RBPJ: variants seen among roughly 807,000 people sequenced by gnomAD.
RBPJ encodes the protein recombining binding protein suppressor of hairless.
Under a neutral mutation model 67.8 loss-of-function variants are expected in RBPJ, and 9 were observed. The ratio of observed to expected loss-of-function variants is 0.13; its 90% CI spans 0.08 to 0.23. The LOEUF is 0.23. Among genes scored for constraint, RBPJ ranks in the 10% least tolerant of loss-of-function variants. RBPJ has a pLI of 1.00. For synonymous variants in RBPJ, 198 were observed against 203.3 expected, an observed-to-expected ratio of 0.97 and a Z score of 0.22; for missense variants, 305 against 595.6, an observed-to-expected ratio of 0.51 and a Z score of 5.08.
intron 1 of RBPJ, among the ~76,000 whole-genome samples, chr4:26,208,467 G>A (rs1180143115): frequency 6.6e-6 from 1 of 152,172 alleles, no homozygotes; most frequent in East Asian, 1.9e-4. Flanking sequence ...CACAGTCAGA[G>A]ATGTCACCAT....
intron 1 of RBPJ, among the ~76,000 whole-genome samples, chr4:26,206,229 G>T (rs1381239566): frequency 1.3e-5 from 2 of 152,148 alleles, no homozygotes; most frequent in African/African-American, 4.8e-5. Context: ...CAAAGCAATG[G>T]TTTTCATTTG....
intron 1 of RBPJ, among the ~76,000 whole-genome samples, chr4:26,164,251 G>A (rs900770903): frequency 2.6e-5 from 4 of 152,280 alleles, no homozygotes; most frequent in Non-Finnish European, 5.9e-5. Flanking sequence ...TCATGCATGC[G>A]TTTATTCACT....
At position 26,434,858 on chromosome 4, in the gene RBPJ, G is replaced by C. The variant is rs568245544; in HGVS notation, c.*3851G>C. 6.6e-6 allele frequency: 1 copy of C among 152,154 alleles called. No individual in the cohort carries two copies. The highest frequency in any genetic ancestry group is 2.4e-5 in the African/African-American group (1 of 41,426). The allele number at this position is 152,154 out of a possible 1,614,324, so 9.4% of individuals were successfully genotyped here. ...ATCTGCTCAGTTCCATATTTCATCCGTGAAAAACTTGCAATACGAGCAGTT... is the reference window on the plus strand; with the variant it reads ...ATCTGCTCAGTTCCATATTTCATCCCTGAAAAACTTGCAATACGAGCAGTT... On this transcript the variant is annotated 3_prime_UTR_variant, in exon 11 of 11. Transcript: ENST00000355476.
At chr4:26,410,007 A>G (rs1401120666) in intron 3 of RBPJ, 1 of 454,242 alleles carries the variant, frequency 2.2e-6, no homozygotes, top group Non-Finnish European at 4.4e-6. Context: ...TAAAGGGGAA[A>G]CCCATTAAAT....
chr4:26,400,385 A>G lies in RBPJ; in HGVS notation c.60-5790A>G, dbSNP rs192184646. ...ACATAGTCCTACAATGCACAGCGCA[A>G]TCTCTCCACAGCAGAAAATGATTTT... On this transcript the variant is annotated intron_variant, in intron 2 of 10. Transcript: ENST00000355476. Among the ~76,000 whole-genome samples the G allele has an allele frequency of 1.6e-3, 242 of 152,344 alleles. 2 individuals are homozygous for G. Among genetic ancestry groups the G allele is most frequent in the Non-Finnish European group, 1.3e-3 (90 of 68,028 alleles).
chr4:26,252,925 G>A (rs1480394752), intron 1 of RBPJ, among the ~76,000 whole-genome samples: 3 of 152,142 alleles, frequency 2.0e-5, no homozygotes, highest in African/African-American at 4.8e-5. Flanking sequence ...TCCTGACCTG[G>A]CTCTACTATA....
In RBPJ at chr4:26,374,074, G is replaced by A. The variant is rs1223305298; in HGVS notation, c.21-12279G>A. ...GCTGGGCTTACAGGTGCCCGCCACC[G>A]GCTTACAGGCGCACACCACCATGTC... On this transcript the variant is annotated intron_variant, in intron 1 of 10. Transcript: ENST00000355476. Among the ~76,000 whole-genome samples, 2 of 151,642 alleles carry A rather than the reference G, an allele frequency of 1.3e-5. 1 individual carries two copies. The highest frequency in any genetic ancestry group is 4.2e-4 in the South Asian group (2 of 4,802).
At chr4:26,140,633 AC>A in the RBPJ span, among the ~76,000 whole-genome samples, 3 of 22,670 alleles carry the variant, frequency 1.3e-4, no homozygotes, top group Admixed American at 5.3e-4. Context: ...CCACCCCCCC[AC>A]CCCCCAAATC....
At chr4:26,404,806 T>TGTGCTGATA (rs1733222997) in intron 2 of RBPJ, among the ~76,000 whole-genome samples, 1 of 152,200 alleles carries the variant, frequency 6.6e-6, no homozygotes, top group Non-Finnish European at 1.5e-5. Context: ...TCAGGCCCTG[T>TGTGCTGATA]AACGCCTTAT....
In RBPJ at chr4:26,345,095, C is replaced by T. The variant is rs147383797; in HGVS notation, c.20+24047C>T. 3.0e-3 allele frequency among the ~76,000 whole-genome samples: 463 copies of T among 152,232 alleles called. 3 individuals carry two copies. The highest frequency in any genetic ancestry group is 0.011 in the African/African-American group (443 of 41,534). On this transcript the variant is annotated intron_variant, in intron 1 of 10. Coordinates refer to ENST00000355476, the MANE Select transcript of RBPJ (RefSeq NM_015874.6). ...ATGTTTTCATGAGGATTTTTGTGCA[C>T]ATTAAAAATAACCATTTTTGTGAAT...
intron 1 of RBPJ, among the ~76,000 whole-genome samples, chr4:26,274,717 C>T (rs1224316104): frequency 1.3e-5 from 2 of 152,166 alleles, no homozygotes; most frequent in Non-Finnish European, 2.9e-5. Flanking sequence ...TGGTGGATCA[C>T]ATGAGACCAG....
intron 1 of RBPJ, among the ~76,000 whole-genome samples, chr4:26,236,750 C>G (rs1239969970): frequency 6.6e-6 from 1 of 152,140 alleles, no homozygotes; most frequent in Non-Finnish European, 1.5e-5. Flanking sequence ...CACACAAGGG[C>G]CCTTTTGGAG....
intron 1 of RBPJ, among the ~76,000 whole-genome samples, chr4:26,340,062 A>ATTG (rs1356671075): frequency 6.6e-6 from 1 of 152,222 alleles, no homozygotes; most frequent in East Asian, 1.9e-4. Context: ...GCAAATACCT[A>ATTG]TTGAGTACAT....
intron 1 of RBPJ, among the ~76,000 whole-genome samples, chr4:26,308,425 C>CT (rs1560254845): frequency 6.6e-6 from 1 of 152,138 alleles, no homozygotes; most frequent in African/African-American, 2.4e-5. Flanking sequence ...CCTTAAGAGA[C>CT]TTTTTTCTTG....
chr4:26,417,799 TTGAG>T (rs1734741547), intron 4 of RBPJ, among the ~76,000 whole-genome samples: 1 of 152,214 alleles, frequency 6.6e-6, no homozygotes, highest in South Asian at 2.1e-4. Context: ...AGTCTGTTCA[TTGAG>T]TGGTACAATT....
At position 26,401,905 on chromosome 4, in the gene RBPJ, T is replaced by A. The variant is rs551653816; in HGVS notation, c.60-4270T>A. 4.6e-3 allele frequency among the ~76,000 whole-genome samples: 688 copies of A among 148,088 alleles called. 4 individuals carry two copies. The highest frequency in any genetic ancestry group is 0.017 in the African/African-American group (657 of 39,326). On this transcript the variant is annotated intron_variant, in intron 2 of 10. Coordinates refer to ENST00000355476, the MANE Select transcript of RBPJ (RefSeq NM_015874.6). ...TTTCTTTCTTTTTTTTTTTTTTTTT[T>A]GAGAGGGAGTTTCACTCTTGTTGCC... is the stretch of plus-strand genomic sequence containing the variant.
chr4:26,343,643 G>T (rs1325565045), intron 1 of RBPJ, among the ~76,000 whole-genome samples: 1 of 150,560 alleles, frequency 6.6e-6, no homozygotes, highest in Non-Finnish European at 1.5e-5. Flanking sequence ...CACCTCCTGG[G>T]TTCAAACGAT....
In RBPJ at chr4:26,194,786, A is replaced by G. The variant is rs192827433; in HGVS notation, c.-167+31172A>G. 1.5e-3 allele frequency among the ~76,000 whole-genome samples: 233 copies of G among 152,352 alleles called. 1 individual carries two copies. Among genetic ancestry groups the G allele is most frequent in the African/African-American group, 4.9e-3 (202 of 41,584 alleles). ...TCTCAGAGCACACGATACAAATGCA[A>G]AATAAAATGTCTCCCTCAGAGAGTG... On this transcript the variant is annotated intron_variant, in intron 1 of 4. Transcript: ENST00000512351.
At chr4:26,171,114 T>C (rs1275732763) in intron 1 of RBPJ, among the ~76,000 whole-genome samples, 1 of 152,220 alleles carries the variant, frequency 6.6e-6, no homozygotes, top group Non-Finnish European at 1.5e-5. Flanking sequence ...TAATGAGATA[T>C]TGTTGAAGAT....
Sources: allele counts gnomAD v4.1 joint callset (sites outside exome capture counted in the v4.1 genomes callset), GRCh38; gene constraint gnomAD v4.1.1; transcripts MANE v1.5; gene names NCBI Gene and HGNC (gene_info 2026-07-23, HGNC 2026-07-21).